Variants in GRID2 observed in about 807,000 individuals in gnomAD.
The protein encoded by GRID2 is glutamate ionotropic receptor delta type subunit 2.
Under a neutral mutation model 114.8 loss-of-function variants are expected in GRID2, and 33 were observed. The observed-to-expected ratio is 0.29, with a 90% CI of 0.22 to 0.38. The LOEUF (loss-of-function observed/expected upper bound fraction) is 0.38, where lower values mean the gene tolerates loss of function less well. GRID2 is among the 10% of genes least tolerant of loss of function. The pLI is 1.00. For synonymous variants in GRID2, 505 were observed against 449.9 expected, an observed-to-expected ratio of 1.12 and a Z score of -1.55; for missense variants, 1,184 against 1,257.7, an observed-to-expected ratio of 0.94 and a Z score of 0.89.
At chr4:93,285,265 T>C (rs1210657026) in intron 8 of GRID2, among the ~76,000 whole-genome samples, 50 of 152,100 alleles carry the variant, frequency 3.3e-4, no homozygotes, top group Non-Finnish European at 1.5e-5. Flanking sequence ...AGACCAACTT[T>C]TTCATAGAAC....
In GRID2 at chr4:93,686,494, G is replaced by GA. The variant is rs373163701; in HGVS notation, c.2360+60070dup. Among the ~76,000 whole-genome samples, 136 of 145,224 alleles carry GA rather than the reference G, an allele frequency of 9.4e-4. 1 individual carries two copies. The highest frequency in any genetic ancestry group is 1.3e-3 in the African/African-American group (51 of 40,094). On this transcript the variant is annotated intron_variant, in intron 14 of 15. Coordinates refer to ENST00000282020, the MANE Select transcript of GRID2 (RefSeq NM_001510.4). ...AGATATAGAAGTAAACAGACGAATA[G>GA]AAAAAAAAAAATCCCCACCTTCATG...
intron 8 of GRID2, among the ~76,000 whole-genome samples, chr4:93,291,403 T>G (rs1295443793): frequency 6.6e-6 from 1 of 152,190 alleles, no homozygotes; most frequent in Non-Finnish European, 1.5e-5. Context: ...ATTCATAATA[T>G]GAGGAAAGCA....
intron 1 of GRID2, among the ~76,000 whole-genome samples, chr4:92,446,146 T>A (rs1179789267): frequency 6.6e-6 from 1 of 152,028 alleles, no homozygotes; most frequent in African/African-American, 2.4e-5. Context: ...GGGGTTTCAC[T>A]ATGTTGGCCA....
At chr4:93,702,536 T>TA (rs902592683) in intron 14 of GRID2, among the ~76,000 whole-genome samples, 7 of 151,944 alleles carry the variant, frequency 4.6e-5, no homozygotes, top group Admixed American at 1.3e-4. Flanking sequence ...ACCATAATGC[T>TA]AAAAAAAATT....
intron 8 of GRID2, among the ~76,000 whole-genome samples, chr4:93,266,503 G>T (rs562834457): frequency 6.6e-6 from 1 of 152,124 alleles, no homozygotes; most frequent in East Asian, 1.9e-4. Context: ...CCAAAAGGTT[G>T]AGTGTATGAC....
At chr4:93,508,879 C>T (rs941207978) in intron 12 of GRID2, among the ~76,000 whole-genome samples, 1 of 152,174 alleles carries the variant, frequency 6.6e-6, no homozygotes, top group African/African-American at 2.4e-5. Context: ...GGAAGGAATT[C>T]TCCAGGTAGA....
intron 14 of GRID2, among the ~76,000 whole-genome samples, chr4:93,681,166 C>T (rs536449379): frequency 1.3e-5 from 2 of 151,524 alleles, no homozygotes; most frequent in African/African-American, 4.9e-5. Context: ...CATGAGTGAA[C>T]TCCCATTCAC....
chr4:93,344,361 C>T (rs948624993), intron 8 of GRID2, among the ~76,000 whole-genome samples: 3 of 151,792 alleles, frequency 2.0e-5, no homozygotes, highest in African/African-American at 7.2e-5. Context: ...AATTACATAA[C>T]ATTTATGTAT....
chr4:92,510,391 G>A (rs1434780893), intron 1 of GRID2, among the ~76,000 whole-genome samples: 1 of 151,882 alleles, frequency 6.6e-6, no homozygotes, highest in East Asian at 1.9e-4. Context: ...CAGCACAGAG[G>A]AGTTTTCCAC....
intron 10 of GRID2, among the ~76,000 whole-genome samples, chr4:93,437,839 CTT>C (rs1255970747): frequency 1.3e-5 from 2 of 152,100 alleles, no homozygotes; most frequent in African/African-American, 4.8e-5. Context: ...ACTCCCATCT[CTT>C]AGTAATCTCG....
chr4:92,339,002 A>T (rs1727335319), intron 1 of GRID2, among the ~76,000 whole-genome samples: 1 of 152,068 alleles, frequency 6.6e-6, no homozygotes, highest in Admixed American at 6.5e-5. Context: ...CAAAATATTA[A>T]TCTTTAGGTG....
At chr4:93,527,307 TCAA>T (rs1560716192) in intron 13 of GRID2, among the ~76,000 whole-genome samples, 25 of 152,192 alleles carry the variant, frequency 1.6e-4, no homozygotes, top group Admixed American at 9.2e-4. Flanking sequence ...TTATTTTAAA[TCAA>T]TATGTCTTGC....
intron 1 of GRID2, among the ~76,000 whole-genome samples, chr4:92,532,321 T>C (rs1725395384): frequency 6.6e-6 from 1 of 152,128 alleles, no homozygotes; most frequent in African/African-American, 2.4e-5. Flanking sequence ...TGCAAGAAGT[T>C]GAGGAAAAAG....
chr4:93,030,705 C>T (rs572528754), intron 2 of GRID2, among the ~76,000 whole-genome samples: 3 of 151,740 alleles, frequency 2.0e-5, no homozygotes, highest in South Asian at 2.1e-4. Flanking sequence ...CTTTCAAGAC[C>T]GTAATAGCAT....
At chr4:93,051,683 T>C (rs1726731543) in intron 2 of GRID2, among the ~76,000 whole-genome samples, 1 of 152,034 alleles carries the variant, frequency 6.6e-6, no homozygotes, top group African/African-American at 2.4e-5. Context: ...TTAATGAATC[T>C]GGAATTATGT....
chr4:92,867,521 T>C (rs1046362444), intron 2 of GRID2, among the ~76,000 whole-genome samples: 1 of 151,770 alleles, frequency 6.6e-6, no homozygotes, highest in Non-Finnish European at 1.5e-5. Flanking sequence ...CAGTCAAAAA[T>C]GGTAATTGAG....
At chr4:93,789,391 T>C (rs557512928) in intron 1 of GRID2, among the ~76,000 whole-genome samples, 118 of 152,322 alleles carry the variant, frequency 7.7e-4, no homozygotes, top group Non-Finnish European at 7.9e-4. Context: ...GGTGTTTTTG[T>C]TTAAGTAAAG....
chr4:92,404,750 A>T (rs1730947247), intron 1 of GRID2, among the ~76,000 whole-genome samples: 1 of 152,162 alleles, frequency 6.6e-6, no homozygotes, highest in Admixed American at 6.5e-5. Context: ...TGGAGCTGGA[A>T]GCCATTATTT....
intron 1 of GRID2, among the ~76,000 whole-genome samples, chr4:92,587,631 T>C (rs1728510616): frequency 6.6e-6 from 1 of 152,190 alleles, no homozygotes; most frequent in Non-Finnish European, 1.5e-5. Flanking sequence ...GATTACACTG[T>C]TTGCAATAAG....
Sources: gnomAD v4.1 joint callset for allele counts (sites outside exome capture counted in the v4.1 genomes callset) on GRCh38, gnomAD v4.1.1 for gene constraint, MANE v1.5 for transcripts, NCBI Gene and HGNC (gene_info 2026-07-23, HGNC 2026-07-21) for gene names.